EPHA7: variants seen among roughly 807,000 people sequenced by gnomAD.
EPHA7 encodes the protein ephrin type-A receptor 7.
EPHA7 carries 25 observed loss-of-function variants against 112.6 expected under a neutral mutation model. The observed-to-expected ratio is 0.22, with a 90% CI of 0.16 to 0.31. The LOEUF is 0.31. Among genes scored for constraint, EPHA7 ranks in the 10% least tolerant of loss-of-function variants. EPHA7 has a pLI of 1.00. For synonymous variants in EPHA7, 437 were observed against 406.5 expected (o/e 1.07, Z -0.90); for missense variants, 962 against 1,212.6 (o/e 0.79, Z 3.07).
At chr6:93,405,796 T>TGA in intron 3 of EPHA7, among the ~76,000 whole-genome samples, 1 of 49,300 alleles carries the variant, frequency 2.0e-5, no homozygotes, top group Non-Finnish European at 3.8e-5. Context: ...TGTGTGTGTG[T>TGA]GTGTGTGTGT....
At chr6:93,264,534 A>G in intron 8 of EPHA7, 60 bp downstream of exon 8, 1 of 1,088,684 alleles carries the variant, frequency 9.2e-7, no homozygotes, top group Non-Finnish European at 1.4e-6. Flanking sequence ...TAATAGGCTG[A>G]CATAATTCTT....
intron 6 of EPHA7, 64 bp downstream of exon 6, chr6:93,272,234 C>A: frequency 3.8e-6 from 6 of 1,588,754 alleles, no homozygotes; most frequent in Non-Finnish European, 5.2e-6. Context: ...CTTTAGTCTA[C>A]AATACAGTAG....
chr6:93,277,891 A>C (rs1238624139), intron 5 of EPHA7, among the ~76,000 whole-genome samples: 1 of 151,922 alleles, frequency 6.6e-6, no homozygotes. Flanking sequence ...GTAGGAAAAT[A>C]AAAGCATCCT....
At chr6:93,250,377 T>A (rs1254760571) in intron 14 of EPHA7, among the ~76,000 whole-genome samples, 2 of 152,298 alleles carry the variant, frequency 1.3e-5, no homozygotes, top group Admixed American at 6.5e-5. Context: ...TAAGTGCTTA[T>A]TATATGATTG....
intron 5 of EPHA7, among the ~76,000 whole-genome samples, chr6:93,331,855 T>C (rs1046443512): frequency 1.3e-5 from 2 of 151,604 alleles, no homozygotes; most frequent in Non-Finnish European, 3.0e-5. Flanking sequence ...TTTCATAGCA[T>C]CCACAAGCAA....
chr6:93,272,569 G>T, intron 5 of EPHA7, 147 bp from the exon 6 acceptor site: 1 of 901,610 alleles, frequency 1.1e-6, no homozygotes, highest in Non-Finnish European at 1.6e-6. Flanking sequence ...AGAAGCTAAT[G>T]AATATTCAAA....
At chr6:93,345,479 C>T (rs1409755892) in intron 5 of EPHA7, among the ~76,000 whole-genome samples, 1 of 151,732 alleles carries the variant, frequency 6.6e-6, no homozygotes, top group African/African-American at 2.4e-5. Context: ...ACAGAACATA[C>T]ATCATCTGCT....
Position 93,264,464 on chromosome 6 carries a change from C to T in EPHA7, c.1742+130G>A, listed in dbSNP as rs1288280221. 1.5e-5 allele frequency: 8 copies of T among 524,800 alleles called. No individual in the cohort carries two copies. The South Asian group carries it at 2.1e-4, about 14-fold the overall frequency. 32.5% of individuals were successfully genotyped at this position (524,800 alleles called of 1,614,324 possible). A position where few individuals can be genotyped will look rare whatever the true frequency, so the allele number is the denominator to read the frequency against. On this transcript the variant is annotated intron_variant, in intron 8 of 16. Transcript: ENST00000369303. ...CTTGAAGGAATGACACATTATTGAC[C>T]TTTAATGTTTTATATCAAAGAATGT...
At chr6:93,381,315 T>C (rs961323308) in intron 3 of EPHA7, among the ~76,000 whole-genome samples, 1 of 152,174 alleles carries the variant, frequency 6.6e-6, no homozygotes, top group South Asian at 2.1e-4. Flanking sequence ...GTGATACCTA[T>C]CTCATTTTCA....
At chr6:93,405,813 GTATATATATATATATATA>G (rs60882775) in intron 3 of EPHA7, among the ~76,000 whole-genome samples, 32 of 73,976 alleles carry the variant, frequency 4.3e-4, no homozygotes, top group Admixed American at 1.0e-3. Flanking sequence ...GTGTGTGTGT[GTATATATATATATATATA>G]TATATATATA....
intron 15 of EPHA7, among the ~76,000 whole-genome samples, chr6:93,246,412 G>A (rs1769953268): frequency 6.6e-6 from 1 of 152,036 alleles, no homozygotes; most frequent in Non-Finnish European, 1.5e-5. Context: ...AAGCAAAACA[G>A]TTAAATAGAT....
chr6:93,349,682 A>C (rs1775590482), intron 5 of EPHA7, among the ~76,000 whole-genome samples: 1 of 151,884 alleles, frequency 6.6e-6, no homozygotes, highest in Non-Finnish European at 1.5e-5. Flanking sequence ...AAATAAGAAA[A>C]TATATTTTCT....
chr6:93,388,689 AC>A (rs1220782427), intron 3 of EPHA7, among the ~76,000 whole-genome samples: 1 of 152,074 alleles, frequency 6.6e-6, no homozygotes, highest in African/African-American at 2.4e-5. Context: ...GCTTAGAAGA[AC>A]CTTCTGTAAA....
Position 93,416,329 on chromosome 6 carries a change from T to C in EPHA7, c.98-1562A>G, listed in dbSNP as rs540978846. Among the ~76,000 whole-genome samples the C allele has an allele frequency of 2.6e-5, 4 of 152,260 alleles. No individual in the cohort carries two copies. The East Asian group carries it at 5.8e-4, about 22-fold the overall frequency. On this transcript the variant is annotated intron_variant, in intron 1 of 16. Coordinates refer to ENST00000369303, the MANE Select transcript of EPHA7 (RefSeq NM_004440.4). ...CTCTTTTTGAGATGCTTTCTTAATT[T>C]TTATTTTATTTTTCTTGTGTGCTGA...
Position 93,411,190 on chromosome 6 carries a change from GTCA to G in EPHA7, c.163-23_163-21del. 6.3e-7 allele frequency: 1 copy of G among 1,580,966 alleles called. No individual in the cohort carries two copies. Among genetic ancestry groups the G allele is most frequent in the Non-Finnish European group, 8.6e-7 (1 of 1,159,370 alleles). ...TTCCCACTGTAAAATTTGAAAAAAG[GTCA>G]TCAGTCATTCAGCAAAAAATAACAT... On this transcript the variant is annotated intron_variant, in intron 2 of 16. Coordinates refer to ENST00000369303, the MANE Select transcript of EPHA7 (RefSeq NM_004440.4).
chr6:93,361,522 G>C (rs1288711592), intron 3 of EPHA7, among the ~76,000 whole-genome samples: 1 of 152,034 alleles, frequency 6.6e-6, no homozygotes, highest in African/African-American at 2.4e-5. Flanking sequence ...AGATAAAGCA[G>C]GGTAAAGTGG....
In EPHA7 at chr6:93,242,767, T is replaced by C; in HGVS notation, c.*659A>G. 9.5e-6 allele frequency: 2 copies of C among 209,630 alleles called. No individual in the cohort carries two copies. Among genetic ancestry groups the C allele is most frequent in the East Asian group, 1.5e-4 (2 of 13,702 alleles). 13.0% of individuals were successfully genotyped at this position (209,630 alleles called of 1,614,324 possible). On this transcript the variant is annotated 3_prime_UTR_variant, in exon 17 of 17. Coordinates refer to ENST00000369303, the MANE Select transcript of EPHA7 (RefSeq NM_004440.4). Reference sequence around the variant, plus strand: ...AGAGCTCTTGGCAACTTGCATTTTCTTGACTACCTGCCAATTAGCAAACAA... The same window carrying C: ...AGAGCTCTTGGCAACTTGCATTTTCCTGACTACCTGCCAATTAGCAAACAA...
chr6:93,409,331 TCAGA>T (rs1362251860), intron 3 of EPHA7, among the ~76,000 whole-genome samples: 1 of 152,028 alleles, frequency 6.6e-6, no homozygotes, highest in Non-Finnish European at 1.5e-5. Context: ...GAATTTAAGC[TCAGA>T]CAAATATTAC....
Position 93,241,479 on chromosome 6 carries a change from G to A in EPHA7, c.*1947C>T. On this transcript the variant is annotated 3_prime_UTR_variant, in exon 17 of 17. Transcript: ENST00000369303. ...CAAAGATTACAAATGGAAGTGTCTA[G>A]GTGACTGTATTATGCTAATTAAAAT... The A allele has an allele frequency of 4.6e-6, 1 of 215,776 alleles. No homozygotes were observed. The highest frequency in any genetic ancestry group is 9.4e-6 in the Non-Finnish European group (1 of 106,800). 13.4% of individuals were successfully genotyped at this position (215,776 alleles called of 1,614,324 possible).
Sources: gnomAD v4.1 joint callset for allele counts (sites outside exome capture counted in the v4.1 genomes callset) on GRCh38, gnomAD v4.1.1 for gene constraint, MANE v1.5 for transcripts, NCBI Gene and HGNC (gene_info 2026-07-23, HGNC 2026-07-21) for gene names.